OBSL1: variants seen among roughly 807,000 people sequenced by gnomAD.
OBSL1 encodes the protein obscurin-like protein 1.
A neutral mutation model predicts 172.0 loss-of-function variants in OBSL1; 160 were observed. The ratio of observed to expected loss-of-function variants is 0.93; its 90% CI spans 0.82 to 1.06. The LOEUF (loss-of-function observed/expected upper bound fraction) is 1.06, where lower values mean the gene tolerates loss of function less well. Ranked by LOEUF, OBSL1 falls within the 50% of genes least tolerant of loss-of-function variation. The probability of loss-of-function intolerance (pLI) is 0.00; values close to 1 mark genes in which losing one functional copy is unlikely to be tolerated. For missense variants in OBSL1, 2,681 were observed against 2,715.4 expected (o/e 0.99, Z 0.28); for synonymous variants, 1,200 against 1,196.3 (o/e 1.00, Z -0.06).
chr2:219,566,867 G>T lies in OBSL1; in HGVS notation c.2097C>A (p.Cys699Ter). ...QDSGALVGFSCPGVQDSAALT... is the reference protein window; with the variant it reads ...QDSGALVGFS ...GGGCAGCTGAGTCCTGCACGCCGGGGCAGCTGAAGCCGACCAGGGCACCGC... is the reference window on the plus strand; with the variant it reads ...GGGCAGCTGAGTCCTGCACGCCGGGTCAGCTGAAGCCGACCAGGGCACCGC... Residue 699 changes from cysteine (C) to a stop codon, truncating the protein, a stop_gained, in exon 5 of 21, where the codon TGC (cysteine) becomes TGA (stop). Transcript: ENST00000404537. LOFTEE classifies it high-confidence loss of function. The T allele has an allele frequency of 1.3e-6, 2 of 1,598,830 alleles. No homozygotes were observed. The highest frequency in any genetic ancestry group is 1.7e-6 in the Non-Finnish European group (2 of 1,167,542).
At chr2:219,548,402 T>A (rs547061919), downstream of OBSL1, among the ~76,000 whole-genome samples, 8 of 152,104 alleles carry the variant, frequency 5.3e-5, no homozygotes, top group Non-Finnish European at 1.0e-4. Context: ...TCCAGTTGTG[T>A]AGAGTGATAT....
chr2:219,557,410 G>C lies in OBSL1; in HGVS notation c.3999C>G (p.Ser1333Arg), dbSNP rs1344845227. The C allele has an allele frequency of 6.5e-7, 1 of 1,547,600 alleles. No individual in the cohort carries two copies. Among genetic ancestry groups the C allele is most frequent in the Non-Finnish European group, 8.7e-7 (1 of 1,146,150 alleles). ...CGCACAGGTACTCCCCAGCGTCCCCGCTCCGTGCCCCCTGCACCCGCAGCA... is the reference window on the plus strand; with the variant it reads ...CGCACAGGTACTCCCCAGCGTCCCCCCTCCGTGCCCCCTGCACCCGCAGCA... Reference protein sequence around the residue: ...RQVLRVQGARSGDAGEYLCDA... With the variant: ...RQVLRVQGARRGDAGEYLCDA... Residue 1333 changes from serine (S) to arginine (R), a missense_variant, in exon 12 of 21, where the codon AGC becomes AGG. By Grantham distance (110) the Ser-to-Arg change is moderately radical. Around this residue, in one of 5 missense-constraint regions of OBSL1, gnomAD observed 1,765 missense variants for 1,748.3 expected, o/e 1.01. Coordinates refer to ENST00000404537, the MANE Select transcript of OBSL1 (RefSeq NM_015311.3).
rs1697355853 is a variant in OBSL1, at chr2:219,571,536, T to G, written c.-304A>C. ...CCCTGCCCGCTGCCTGGCTTCCTGCTCTTAGGAGCCTCTCTTCCCAGCCCC... is the reference window on the plus strand; with the variant it reads ...CCCTGCCCGCTGCCTGGCTTCCTGCGCTTAGGAGCCTCTCTTCCCAGCCCC... On this transcript the variant is annotated 5_prime_UTR_variant, in exon 1 of 21. Coordinates refer to ENST00000404537, the MANE Select transcript of OBSL1 (RefSeq NM_015311.3). The G allele has an allele frequency of 4.4e-6, 1 of 227,890 alleles. No individual in the cohort carries two copies. Among genetic ancestry groups the G allele is most frequent in the South Asian group, 1.8e-4 (1 of 5,526 alleles). The allele number at this position is 227,890 out of a possible 1,614,324, so 14.1% of individuals were successfully genotyped here. A position where few individuals can be genotyped will look rare whatever the true frequency, so the allele number is the denominator to read the frequency against.
Position 219,553,021 on chromosome 2 carries a change from C to G in OBSL1, c.4993G>C (p.Gly1665Arg). ...ALADVTWEKDGNALTPSPRLR... is the reference protein window; with the variant it reads ...ALADVTWEKDRNALTPSPRLR... ...CGCGGGCTAGGCGTAAGCGCGTTCC[C>G]GTCCTAGGGGCGGGAGTTGCAGAGG... Residue 1665 changes from glycine to arginine, a missense_variant, in exon 17 of 21, where the codon GGG becomes CGG. Coordinates refer to ENST00000404537, the MANE Select transcript of OBSL1 (RefSeq NM_015311.3). 1.3e-6 allele frequency: 2 copies of G among 1,508,948 alleles called. No homozygotes were observed. Among genetic ancestry groups the G allele is most frequent in the Non-Finnish European group, 1.8e-6 (2 of 1,135,064 alleles). The allele number at this position is 1,508,948 out of a possible 1,614,324, so 93.5% of individuals were successfully genotyped here.
rs1241412315 is a variant in OBSL1, at chr2:219,551,635, G to C, written c.5577C>G (p.His1859Gln). Residue 1859 changes from histidine to glutamine, a missense_variant, in exon 20 of 21, where the codon CAC becomes CAG. By Grantham distance (24) the His-to-Gln change is conservative. This residue lies in a region of OBSL1 where 1,765 missense variants were observed against 1,748.3 expected (regional missense o/e 1.01). Coordinates refer to ENST00000404537, the MANE Select transcript of OBSL1 (RefSeq NM_015311.3). ...GGATGACCAGGCTGTGGGTGGGGCCGTGGCTGCGCATCTCATACTTATCTC... is the reference window on the plus strand; with the variant it reads ...GGATGACCAGGCTGTGGGTGGGGCCCTGGCTGCGCATCTCATACTTATCTC... ...CPGDKYEMRS[H>Q]GPTHSLVIHD... is the part of the protein sequence containing the mutation. The C allele has an allele frequency of 2.5e-6, 4 of 1,611,516 alleles. No homozygotes were observed. The highest frequency in any genetic ancestry group is 3.4e-6 in the Non-Finnish European group (4 of 1,179,124).
At chr2:219,565,578 A>G in intron 5 of OBSL1, 64 bp from the exon 6 acceptor site, 1 of 1,515,798 alleles carries the variant, frequency 6.6e-7, no homozygotes, top group Non-Finnish European at 9.0e-7. Flanking sequence ...TGTCGGATGC[A>G]TCAGAGGGAA....
At chr2:219,550,077 C>A, downstream of OBSL1, 1 of 576,804 alleles carries the variant, frequency 1.7e-6, no homozygotes, top group South Asian at 2.4e-5. Flanking sequence ...GTGTGAACCC[C>A]ATTGGGGTGT....
intron 3 of OBSL1, 37 bp downstream of exon 3, chr2:219,567,681 C>A: frequency 2.5e-6 from 4 of 1,595,122 alleles, no homozygotes; most frequent in Non-Finnish European, 3.4e-6. Flanking sequence ...CAACCTCCTG[C>A]CCTGCCTCGC....
chr2:219,555,160 C>G (rs1695908972), intron 14 of OBSL1: 1 of 187,516 alleles, frequency 5.3e-6, no homozygotes, highest in African/African-American at 2.3e-5. Flanking sequence ...AACATTGGGA[C>G]ACAGGTTTAT....
intron 7 of OBSL1, chr2:219,563,024 A>G: frequency 2.1e-6 from 1 of 466,502 alleles, no homozygotes; most frequent in Non-Finnish European, 3.8e-6. Context: ...CTCCTCCAAG[A>G]TGTTTTTGCC....
rs144747680 is a variant in OBSL1, at chr2:219,559,801, C to T, written c.2954-304G>A. On this transcript the variant is annotated intron_variant, in intron 8 of 20. Coordinates refer to ENST00000404537, the MANE Select transcript of OBSL1 (RefSeq NM_015311.3). ...CATGTCTGTGGTATAACACATACTA[C>T]ATTCACCCTAAGCAGGATAGATTGA... 6.6e-3 allele frequency among the ~76,000 whole-genome samples: 1,004 copies of T among 152,268 alleles called. 12 individuals carry two copies. Among genetic ancestry groups the T allele is most frequent in the African/African-American group, 0.023 (953 of 41,544 alleles).
chr2:219,562,003 A>G (rs1278862002), intron 8 of OBSL1: 1 of 717,578 alleles, frequency 1.4e-6, no homozygotes, highest in African/African-American at 1.7e-5. Context: ...TGACTTTGGT[A>G]AGACTCTGCA....
chr2:219,551,697 C>G lies in OBSL1; in HGVS notation c.5515G>C (p.Val1839Leu), dbSNP rs762088079. ...TCGGCCCCCTCCCGCAGCCAGCACA[C>G]GTGGCCCCCCGAGCGGGACACAGTC... is the stretch of plus-strand genomic sequence containing the variant. ...EVTVSRSGGH[V>L]CWLREGAELC... Residue 1839 changes from valine (V) to leucine (L), a missense_variant, in exon 20 of 21, where the codon GTG (valine) becomes CTG (leucine). This residue lies in a region of OBSL1 where 1,765 missense variants were observed against 1,748.3 expected (regional missense o/e 1.01). Transcript: ENST00000404537. 1 of 1,610,846 alleles carries G rather than the reference C, an allele frequency of 6.2e-7. No homozygotes were observed. The highest frequency in any genetic ancestry group is 1.3e-5 in the African/African-American group (1 of 75,030).
chr2:219,570,685 C>A lies in OBSL1; in HGVS notation c.548G>T (p.Arg183Leu), dbSNP rs2106116544. 6.6e-7 allele frequency: 1 copy of A among 1,508,624 alleles called. No homozygotes were observed. The highest frequency in any genetic ancestry group is 8.8e-7 in the Non-Finnish European group (1 of 1,134,748). 93.5% of individuals were successfully genotyped at this position (1,508,624 alleles called of 1,614,324 possible). ...DSSHFALQPG[R>L]AEDGPGASLA... ...GCTCGCGCCGGGGCCGTCCTCGGCG[C>A]GGCCCGGCTGGAGCGCGAAGTGGCT... Residue 183 changes from arginine (R) to leucine (L), a missense_variant, in exon 1 of 21, where the codon CGC (arginine) becomes CTC (leucine). Around this residue, in one of 5 missense-constraint regions of OBSL1, gnomAD observed 706 missense variants for 695.8 expected, o/e 1.01. Coordinates refer to ENST00000404537, the MANE Select transcript of OBSL1 (RefSeq NM_015311.3).
rs2278200 is a variant in OBSL1, at chr2:219,557,678, C to G, written c.3791-60G>C. The stretch of plus-strand genomic sequence containing the variant: ...GAGGCTCAGGGCTTTGAGGAGGGCA[C>G]GGGGAGGCATGACGGGGAAGGTACT... On this transcript the variant is annotated intron_variant, in intron 11 of 20. Transcript: ENST00000404537. The G allele has an allele frequency of 0.44, 665,159 of 1,502,246 alleles. 149,554 individuals carry two copies. Among genetic ancestry groups the G allele is most frequent in the Admixed American group, 0.52 (23,280 of 44,350 alleles). The allele number at this position is 1,502,246 out of a possible 1,614,324, so 93.1% of individuals were successfully genotyped here.
At chr2:219,549,686 G>A (rs774712960), downstream of OBSL1, 18 of 1,607,518 alleles carry the variant, frequency 1.1e-5, no homozygotes, top group African/African-American at 4.0e-5. Flanking sequence ...ATTCTGCGGT[G>A]GGACTCACAC....
rs1226484932 is a variant in OBSL1 at position 219,571,048 on chromosome 2, G to A, written c.185C>T (p.Ala62Val). 6.9e-7 allele frequency: 1 copy of A among 1,458,492 alleles called. No homozygotes were observed. The highest frequency in any genetic ancestry group is 1.5e-5 in the African/African-American group (1 of 68,318). The allele number at this position is 1,458,492 out of a possible 1,614,324, so 90.3% of individuals were successfully genotyped here. The change falls in exon 1 of 21, where the codon GCG becomes GTG. Residue 62 changes from alanine (A) to valine (V), a missense_variant. Physicochemically the swap from Ala to Val is moderately conservative, Grantham distance 64 (BLOSUM62 0). Transcript: ENST00000404537. ...CAGCAGGCCGTGCTCCGCGCCGTCC[G>A]CCGGGAAGCTCAGGCGTTCCGAGGC... ...LAASERLSFP[A>V]DGAEHGLLLT... is the part of the protein sequence containing the mutation.
rs747020402 is a variant in OBSL1, at chr2:219,571,274, A to AG, written c.-43dup. 1,336 of 538,236 alleles carry AG rather than the reference A, an allele frequency of 2.5e-3. 8 individuals carry two copies. The highest frequency in any genetic ancestry group is 0.017 in the East Asian group (274 of 15,678). The allele number at this position is 538,236 out of a possible 1,614,324, so 33.3% of individuals were successfully genotyped here. ...CTGCAGCGGCGAACGGTGGGGGGGC[A>AG]GGGGGGGGTGCGGAGGGCGAGCCGA... On this transcript the variant is annotated 5_prime_UTR_variant, in exon 1 of 21. Transcript: ENST00000404537.
chr2:219,564,775 A>G (rs746750011), intron 6 of OBSL1, among the ~76,000 whole-genome samples: 13 of 152,184 alleles, frequency 8.5e-5, no homozygotes, highest in East Asian at 7.7e-4. Flanking sequence ...TCATCTTAAA[A>G]AAAGAAAGAA....
Sources: gnomAD v4.1 joint callset for allele counts (sites outside exome capture counted in the v4.1 genomes callset) on GRCh38, gnomAD v4.1.1 for gene constraint, gnomAD v4.1.1 regional missense constraint, MANE v1.5 for transcripts, NCBI Gene and HGNC (gene_info 2026-07-23, HGNC 2026-07-21) for gene names.